Variants in DDAH1 observed in about 807,000 individuals in gnomAD.
DDAH1 encodes N(G),N(G)-dimethylarginine dimethylaminohydrolase 1.
A neutral mutation model predicts 28.8 loss-of-function variants in DDAH1; 19 were observed. That is an observed-to-expected ratio of 0.66 (90% CI 0.46 to 0.97). The LOEUF is 0.97. DDAH1 is among the 50% of genes least tolerant of loss of function. DDAH1 has a pLI of 0.00. For missense variants in DDAH1, 326 were observed against 375.9 expected (o/e 0.87, Z 1.10); for synonymous variants, 153 against 154.4 (o/e 0.99, Z 0.07).
intron 1 of DDAH1, among the ~76,000 whole-genome samples, chr1:85,418,393 C>T (rs7525786): frequency 0.59 from 88,929 of 152,004 alleles, 26,293 homozygotes; most frequent in African/African-American, 0.65. Context: ...CCTTAAAAAA[C>T]AAATTTCTTT....
chr1:85,462,346 G>A (rs1000606559), intron 1 of DDAH1, among the ~76,000 whole-genome samples: 1 of 152,068 alleles, frequency 6.6e-6, no homozygotes, highest in Non-Finnish European at 1.5e-5. Context: ...GCTCAGTGGG[G>A]GCCCCTTGAG....
intron 1 of DDAH1, among the ~76,000 whole-genome samples, chr1:85,567,185 A>G (rs1296194686): frequency 6.6e-6 from 1 of 152,194 alleles, no homozygotes; most frequent in Non-Finnish European, 1.5e-5. Flanking sequence ...CCACACAGAC[A>G]CACTCAGAAT....
At chr1:85,554,034 C>A (rs1451003168) in intron 1 of DDAH1, among the ~76,000 whole-genome samples, 1 of 152,218 alleles carries the variant, frequency 6.6e-6, no homozygotes, top group African/African-American at 2.4e-5. Flanking sequence ...TCTCACTTAG[C>A]AGCATTCCAT....
chr1:85,574,805 G>A (rs965756791), intron 1 of DDAH1, among the ~76,000 whole-genome samples: 2 of 152,138 alleles, frequency 1.3e-5, no homozygotes, highest in African/African-American at 4.8e-5. Flanking sequence ...CAGCACTTTG[G>A]GAGGCCGAGG....
chr1:85,498,953 A>G (rs1040322418), intron 1 of DDAH1, among the ~76,000 whole-genome samples: 11 of 152,070 alleles, frequency 7.2e-5, no homozygotes, highest in African/African-American at 2.7e-4. Context: ...AAAATTCTCA[A>G]CAAATTCAAA....
At chr1:85,358,228 C>T (rs890552432) in intron 2 of DDAH1, among the ~76,000 whole-genome samples, 5 of 152,158 alleles carry the variant, frequency 3.3e-5, no homozygotes, top group South Asian at 2.1e-4. Flanking sequence ...ATACGAAGTA[C>T]TAAAAGGACA....
chr1:85,396,854 G>C (rs1430800002), intron 1 of DDAH1, among the ~76,000 whole-genome samples: 1 of 151,840 alleles, frequency 6.6e-6, no homozygotes, highest in Non-Finnish European at 1.5e-5. Context: ...GGGCAACATG[G>C]TAAAACCCTA....
intron 2 of DDAH1, among the ~76,000 whole-genome samples, chr1:85,490,581 G>A (rs189335083): frequency 8.5e-5 from 13 of 152,242 alleles, no homozygotes; most frequent in Non-Finnish European, 1.6e-4. Context: ...CCATGCTACA[G>A]GAAGGAAAAG....
At chr1:85,332,016 G>A (rs1228077315) in intron 4 of DDAH1, among the ~76,000 whole-genome samples, 2 of 152,186 alleles carry the variant, frequency 1.3e-5, no homozygotes, top group Non-Finnish European at 2.9e-5. Context: ...CATGTTGACT[G>A]CTGAAATCCT....
chr1:85,436,961 C>T (rs1653970651), intron 1 of DDAH1, among the ~76,000 whole-genome samples: 2 of 152,184 alleles, frequency 1.3e-5, no homozygotes, highest in Admixed American at 6.5e-5. Context: ...AGACATTCTT[C>T]CCAGGAATGG....
chr1:85,388,158 A>G (rs1651371633), intron 1 of DDAH1, among the ~76,000 whole-genome samples: 1 of 152,218 alleles, frequency 6.6e-6, no homozygotes, highest in Non-Finnish European at 1.5e-5. Flanking sequence ...ACAAACATCC[A>G]AACTATATCA....
At chr1:85,524,883 T>C (rs1475462490) in intron 1 of DDAH1, among the ~76,000 whole-genome samples, 1 of 137,310 alleles carries the variant, frequency 7.3e-6, no homozygotes, top group Non-Finnish European at 1.6e-5. Flanking sequence ...GAAGAAATCA[T>C]CCCAGTACTT....
intron 1 of DDAH1, among the ~76,000 whole-genome samples, chr1:85,500,204 C>G (rs12723413): frequency 3.7e-5 from 5 of 135,746 alleles, no homozygotes; most frequent in African/African-American, 1.1e-4. Flanking sequence ...TCCTTCCTTT[C>G]TTCCTTCCTT....
intron 1 of DDAH1, among the ~76,000 whole-genome samples, chr1:85,434,034 TATCAGGA>T (rs1343239487): frequency 6.6e-6 from 1 of 152,192 alleles, no homozygotes; most frequent in Non-Finnish European, 1.5e-5. Flanking sequence ...TAAGATACCA[TATCAGGA>T]TGTAAAATGT....
intron 1 of DDAH1, among the ~76,000 whole-genome samples, chr1:85,414,931 TAGA>T (rs1652821468): frequency 6.9e-6 from 1 of 144,314 alleles, no homozygotes; most frequent in Admixed American, 7.0e-5. Flanking sequence ...TTTTAAAAAA[TAGA>T]AGGAAAATTT....
chr1:85,324,028 A>G lies in DDAH1; in HGVS notation c.741+712T>C, dbSNP rs534008090. On this transcript the variant is annotated intron_variant, in intron 5 of 5. Coordinates refer to ENST00000284031, the MANE Select transcript of DDAH1 (RefSeq NM_012137.4). ...CTCATGCCTGTCATTCCAGCACTTT[A>G]GGAGGCCCAGGCGGGCAGACTGCTT... is the stretch of plus-strand genomic sequence containing the variant. Among the ~76,000 whole-genome samples the G allele has an allele frequency of 3.9e-4, 59 of 150,930 alleles. No individual in the cohort carries two copies. The South Asian group carries it at 0.012, about 32-fold the overall frequency.
At chr1:85,552,661 G>A (rs1341361762) in intron 1 of DDAH1, among the ~76,000 whole-genome samples, 1 of 152,148 alleles carries the variant, frequency 6.6e-6, no homozygotes, top group Non-Finnish European at 1.5e-5. Flanking sequence ...CTTAGAAGCA[G>A]GCCTCTTAAT....
chr1:85,363,871 ACATCT>A (rs1218499764), intron 1 of DDAH1, among the ~76,000 whole-genome samples: 1 of 150,390 alleles, frequency 6.6e-6, no homozygotes, highest in Non-Finnish European at 1.5e-5. Flanking sequence ...CATGTGAATA[ACATCT>A]CAGTTCAACA....
At position 85,455,822 on chromosome 1, in the gene DDAH1, G is replaced by C. The variant is rs568742892; in HGVS notation, c.303+8921C>G. ...ATTACTTGTCAAATGTGCTATAAAT[G>C]GTTGAGTAAGCAGAGCTTTTGAAAT... On this transcript the variant is annotated intron_variant, in intron 1 of 5. Transcript: ENST00000284031. 2.0e-5 allele frequency among the ~76,000 whole-genome samples: 3 copies of C among 152,274 alleles called. No homozygotes were observed. In the South Asian group the frequency reaches 6.2e-4, roughly 32 times the overall value.
Sources: gnomAD v4.1 joint callset for allele counts (sites outside exome capture counted in the v4.1 genomes callset) on GRCh38, gnomAD v4.1.1 for gene constraint, MANE v1.5 for transcripts, NCBI Gene and HGNC (gene_info 2026-07-23, HGNC 2026-07-21) for gene names.